Variants in NFIL3 observed in about 807,000 individuals in gnomAD.
NFIL3 encodes nuclear factor, interleukin 3 regulated, also known as nuclear factor interleukin-3-regulated protein.
Under a neutral mutation model 10.0 loss-of-function variants are expected in NFIL3, and 5 were observed. That is an observed-to-expected ratio of 0.50 (90% CI 0.26 to 1.06). The LOEUF (loss-of-function observed/expected upper bound fraction) is 1.06. NFIL3 is among the 50% of genes least tolerant of loss of function. NFIL3 has a pLI of 0.13. For missense variants in NFIL3, 436 were observed against 547.6 expected, an observed-to-expected ratio of 0.80 and a Z score of 2.03; for synonymous variants, 202 against 206.5, an observed-to-expected ratio of 0.98 and a Z score of 0.19.
chr9:91,463,872 T>C, the NFIL3 span, among the ~76,000 whole-genome samples: 2 of 152,150 alleles, frequency 1.3e-5, no homozygotes, highest in East Asian at 3.8e-4. Flanking sequence ...AAAATTGTTC[T>C]GTTGTTTTGG....
chr9:91,429,578 A>G, the NFIL3 span, among the ~76,000 whole-genome samples: 1 of 152,096 alleles, frequency 6.6e-6, no homozygotes, highest in Non-Finnish European at 1.5e-5. Flanking sequence ...TGTTTCAGCA[A>G]GAGATTAAAG....
upstream of NFIL3, chr9:91,426,294 T>A (rs1833873097): frequency 6.6e-6 from 1 of 152,218 alleles, no homozygotes; most frequent in Admixed American, 6.5e-5. Context: ...CTTTAGCTCC[T>A]CCTGGTGATT....
chr9:91,426,061 A>G (rs1833870589), upstream of NFIL3, among the ~76,000 whole-genome samples: 1 of 152,226 alleles, frequency 6.6e-6, no homozygotes, highest in East Asian at 1.9e-4. Flanking sequence ...CAAGACAGGT[A>G]AAGAACGTGC....
At chr9:91,468,421 T>A in the NFIL3 span, among the ~76,000 whole-genome samples, 1 of 152,208 alleles carries the variant, frequency 6.6e-6, no homozygotes, top group Non-Finnish European at 1.5e-5. Flanking sequence ...GAGTTCTTTG[T>A]CAATTCTGGA....
chr9:91,476,568 G>A, the NFIL3 span, among the ~76,000 whole-genome samples: 5 of 148,206 alleles, frequency 3.4e-5, no homozygotes, highest in African/African-American at 7.5e-5. Context: ...GCAAGAATCC[G>A]TCTAAAAAAA....
At chr9:91,411,889 T>G (rs1833556607) in intron 1 of NFIL3, among the ~76,000 whole-genome samples, 1 of 151,876 alleles carries the variant, frequency 6.6e-6, no homozygotes, top group African/African-American at 2.4e-5. Flanking sequence ...GATCACAAGG[T>G]CAGGAGATCG....
intron 1 of NFIL3, among the ~76,000 whole-genome samples, chr9:91,414,942 TAA>T (rs1286830439): frequency 1.3e-5 from 2 of 152,246 alleles, no homozygotes; most frequent in Non-Finnish European, 1.5e-5. Flanking sequence ...ATACCTTATA[TAA>T]GAGAGTTTTG....
the NFIL3 span, among the ~76,000 whole-genome samples, chr9:91,440,388 T>C: frequency 1.3e-5 from 2 of 151,982 alleles, no homozygotes; most frequent in African/African-American, 4.8e-5. Context: ...ATTTGAGTCT[T>C]TTCTCTCTTT....
chr9:91,446,610 CCTT>C, the NFIL3 span, among the ~76,000 whole-genome samples: 3 of 152,150 alleles, frequency 2.0e-5, no homozygotes, highest in African/African-American at 7.2e-5. Context: ...AACAATAACT[CCTT>C]CTTCCTTCAC....
the NFIL3 span, among the ~76,000 whole-genome samples, chr9:91,436,301 G>T: frequency 1.3e-5 from 2 of 152,130 alleles, no homozygotes; most frequent in African/African-American, 2.4e-5. Context: ...GGTGGGGCCG[G>T]GCGCGGTGGC....
chr9:91,463,471 T>C, the NFIL3 span, among the ~76,000 whole-genome samples: 2 of 151,984 alleles, frequency 1.3e-5, no homozygotes. Context: ...TTGACAAATG[T>C]AATATATAGA....
chr9:91,434,098 T>G, the NFIL3 span, among the ~76,000 whole-genome samples: 1 of 152,162 alleles, frequency 6.6e-6, no homozygotes, highest in Non-Finnish European at 1.5e-5. Context: ...AAAATTCTAA[T>G]GGATATTTTG....
the NFIL3 span, among the ~76,000 whole-genome samples, chr9:91,431,683 G>C: frequency 6.6e-6 from 1 of 152,164 alleles, no homozygotes; most frequent in Non-Finnish European, 1.5e-5. Flanking sequence ...GGCCTTCAGG[G>C]AGTGTCTGTA....
the NFIL3 span, among the ~76,000 whole-genome samples, chr9:91,462,622 C>T: frequency 6.6e-6 from 1 of 151,898 alleles, no homozygotes; most frequent in African/African-American, 2.4e-5. Flanking sequence ...AGTTTTATAT[C>T]TACATTCATG....
At chr9:91,449,108 G>C in the NFIL3 span, among the ~76,000 whole-genome samples, 2 of 152,076 alleles carry the variant, frequency 1.3e-5, no homozygotes, top group East Asian at 3.9e-4. Context: ...TAATTTATTA[G>C]CTTTCTTGTG....
the NFIL3 span, among the ~76,000 whole-genome samples, chr9:91,458,257 G>T: frequency 6.6e-6 from 1 of 152,028 alleles, no homozygotes; most frequent in Non-Finnish European, 1.5e-5. Flanking sequence ...CACCAGTGAA[G>T]TTATTTTATC....
the NFIL3 span, among the ~76,000 whole-genome samples, chr9:91,462,970 CT>C: frequency 6.6e-6 from 1 of 151,878 alleles, no homozygotes; most frequent in African/African-American, 2.4e-5. Context: ...GTTATTAAAT[CT>C]GTGGCCACAG....
chr9:91,446,336 G>A, the NFIL3 span, among the ~76,000 whole-genome samples: 5 of 152,146 alleles, frequency 3.3e-5, no homozygotes, highest in Non-Finnish European at 5.9e-5. Flanking sequence ...CAGGATTTCT[G>A]TTGCTCCTTT....
At chr9:91,475,478 A>G in the NFIL3 span, among the ~76,000 whole-genome samples, 1 of 152,236 alleles carries the variant, frequency 6.6e-6, no homozygotes, top group South Asian at 2.1e-4. Flanking sequence ...AAAGTACCTA[A>G]TATTATAACC....
Sources: gnomAD v4.1 joint callset for allele counts (sites outside exome capture counted in the v4.1 genomes callset) on GRCh38, gnomAD v4.1.1 for gene constraint, MANE v1.5 for transcripts, NCBI Gene and HGNC (gene_info 2026-07-23, HGNC 2026-07-21) for gene names.